NTRK2: variants seen among roughly 807,000 people sequenced by gnomAD.
The protein encoded by NTRK2 is BDNF/NT-3 growth factors receptor.
A neutral mutation model predicts 94.5 loss-of-function variants in NTRK2; 13 were observed. The observed-to-expected ratio is 0.14, with a 90% CI of 0.09 to 0.22. The LOEUF (loss-of-function observed/expected upper bound fraction) is 0.22. Ranked by LOEUF, NTRK2 falls within the 10% of genes least tolerant of loss-of-function variation. The pLI, the probability that NTRK2 is intolerant of heterozygous loss-of-function variation, is 1.00. For missense variants in NTRK2, 639 were observed against 1,071.2 expected, an observed-to-expected ratio of 0.60 and a Z score of 5.63; for synonymous variants, 372 against 407.4, an observed-to-expected ratio of 0.91 and a Z score of 1.05.
chr9:84,761,310 G>T (rs2065544999), intron 12 of NTRK2, among the ~76,000 whole-genome samples: 1 of 152,124 alleles, frequency 6.6e-6, no homozygotes, highest in African/African-American at 2.4e-5. Context: ...AGGGGTGAGG[G>T]TGCTGTGGGG....
chr9:84,851,680 G>A (rs544845477), intron 12 of NTRK2, among the ~76,000 whole-genome samples: 2 of 152,252 alleles, frequency 1.3e-5, no homozygotes, highest in South Asian at 4.1e-4. Context: ...ACATGAAACA[G>A]GTCACCATGG....
intron 17 of NTRK2, among the ~76,000 whole-genome samples, chr9:84,960,464 A>G (rs1824775210): frequency 6.6e-6 from 1 of 152,248 alleles, no homozygotes; most frequent in Admixed American, 6.5e-5. Context: ...GTCTTTAAAA[A>G]GACTGTGTTT....
intron 14 of NTRK2, chr9:84,877,778 A>C: frequency 9.5e-7 from 1 of 1,054,666 alleles, no homozygotes; most frequent in Non-Finnish European, 1.1e-6. Context: ...TGACCAATGG[A>C]GCTTGGAATT....
At chr9:84,942,992 T>C (rs1010521265) in intron 15 of NTRK2, among the ~76,000 whole-genome samples, 2 of 152,168 alleles carry the variant, frequency 1.3e-5, no homozygotes, top group Admixed American at 1.3e-4. Flanking sequence ...GGTTGACTGG[T>C]TTGGGAGTTT....
chr9:84,786,927 G>T (rs1333866956), intron 12 of NTRK2, among the ~76,000 whole-genome samples: 1 of 152,132 alleles, frequency 6.6e-6, no homozygotes, highest in African/African-American at 2.4e-5. Flanking sequence ...AACCAAGAAA[G>T]AAGCCATTCT....
intron 12 of NTRK2, among the ~76,000 whole-genome samples, chr9:84,829,811 C>A (rs1445210763): frequency 6.6e-6 from 1 of 152,182 alleles, no homozygotes; most frequent in African/African-American, 2.4e-5. Flanking sequence ...TAAACCCCAT[C>A]TTTTTCTTTT....
chr9:84,679,930 A>T (rs1001776402), intron 2 of NTRK2, among the ~76,000 whole-genome samples: 2 of 151,780 alleles, frequency 1.3e-5, no homozygotes, highest in African/African-American at 4.8e-5. Context: ...TTTCCCTGGG[A>T]GTAGTGTTCA....
intron 14 of NTRK2, among the ~76,000 whole-genome samples, chr9:84,932,297 G>C (rs2078064607): frequency 6.6e-6 from 1 of 152,194 alleles, no homozygotes; most frequent in African/African-American, 2.4e-5. Flanking sequence ...ACCGTTGAGA[G>C]AGAGATTCAA....
chr9:84,697,794 T>C lies in NTRK2; in HGVS notation c.213-4365T>C, dbSNP rs1235985489. Among the ~76,000 whole-genome samples the C allele has an allele frequency of 2.6e-5, 4 of 152,286 alleles. No individual in the cohort carries two copies. The East Asian group carries it at 5.8e-4, about 22-fold the overall frequency. ...AGAAAGCTGTTAGCTGTTTGCTGTT[T>C]GGGTGGTCCAGGGAACCAAGAACTT... On this transcript the variant is annotated intron_variant, in intron 2 of 18. Coordinates refer to ENST00000277120, the MANE Select transcript of NTRK2 (RefSeq NM_006180.6).
chr9:84,795,874 T>A (rs1052002981), intron 12 of NTRK2, among the ~76,000 whole-genome samples: 1 of 152,168 alleles, frequency 6.6e-6, no homozygotes, highest in African/African-American at 2.4e-5. Flanking sequence ...GGGCTGCAAG[T>A]ATGTAATATG....
rs536156297 is a variant in NTRK2, at chr9:84,830,490, T to C, written c.1397-30550T>C. Among the ~76,000 whole-genome samples, 5 of 151,940 alleles carry C rather than the reference T, an allele frequency of 3.3e-5. No homozygotes were observed. The East Asian group carries it at 9.7e-4, about 29-fold the overall frequency. ...CTTATGCTTTAGAGCAGCCTAAGGG[T>C]GTGTGTGTATGTGTGTGAGCATGCG... On this transcript the variant is annotated intron_variant, in intron 12 of 18. Coordinates refer to ENST00000277120, the MANE Select transcript of NTRK2 (RefSeq NM_006180.6).
At chr9:84,771,518 T>C (rs574680155) in intron 12 of NTRK2, among the ~76,000 whole-genome samples, 1 of 152,290 alleles carries the variant, frequency 6.6e-6, no homozygotes, top group South Asian at 2.1e-4. Context: ...ACACAAGCCC[T>C]CTACACAAGT....
At chr9:84,983,179 G>A (rs763713320) in intron 17 of NTRK2, among the ~76,000 whole-genome samples, 1 of 152,118 alleles carries the variant, frequency 6.6e-6, no homozygotes, top group Non-Finnish European at 1.5e-5. Context: ...ATACCAAATT[G>A]CTGTTCTTTA....
At chr9:84,847,108 A>G (rs2074509797) in intron 12 of NTRK2, among the ~76,000 whole-genome samples, 1 of 152,208 alleles carries the variant, frequency 6.6e-6, no homozygotes. Context: ...CTGTCCTCCC[A>G]TCTCCAGAGG....
At chr9:84,911,944 GT>G (rs2077247964) in intron 14 of NTRK2, among the ~76,000 whole-genome samples, 1 of 151,948 alleles carries the variant, frequency 6.6e-6, no homozygotes, top group African/African-American at 2.4e-5. Flanking sequence ...AAATTTTAAT[GT>G]TTTGTTTTCA....
At chr9:84,905,161 G>C (rs1248412818) in intron 14 of NTRK2, among the ~76,000 whole-genome samples, 1 of 152,120 alleles carries the variant, frequency 6.6e-6, no homozygotes, top group Non-Finnish European at 1.5e-5. Flanking sequence ...AGGATATGGG[G>C]ACAAAATGTC....
chr9:84,726,815 G>T (rs1178920372), intron 8 of NTRK2, among the ~76,000 whole-genome samples: 1 of 152,174 alleles, frequency 6.6e-6, no homozygotes, highest in African/African-American at 2.4e-5. Context: ...AATTACCAAA[G>T]CCAGACTACA....
intron 14 of NTRK2, among the ~76,000 whole-genome samples, chr9:84,911,636 T>G (rs1024645287): frequency 6.6e-5 from 10 of 152,174 alleles, no homozygotes; most frequent in African/African-American, 2.4e-4. Context: ...TGGTCATTTG[T>G]GTCTTCTCTC....
At chr9:84,746,211 C>T (rs542123408) in intron 11 of NTRK2, among the ~76,000 whole-genome samples, 8 of 152,230 alleles carry the variant, frequency 5.3e-5, no homozygotes, top group East Asian at 3.9e-4. Flanking sequence ...TCATAACACA[C>T]GAAAGTTTTG....
Sources: allele counts gnomAD v4.1 joint callset (sites outside exome capture counted in the v4.1 genomes callset), GRCh38; gene constraint gnomAD v4.1.1; transcripts MANE v1.5; gene names NCBI Gene and HGNC (gene_info 2026-07-23, HGNC 2026-07-21).